Variants in TXNDC5 observed in about 807,000 individuals in gnomAD.
TXNDC5 encodes the protein thioredoxin domain containing 5, also known as thioredoxin domain-containing protein 5.
Under a neutral mutation model 52.6 loss-of-function variants are expected in TXNDC5, and 44 were observed. The observed-to-expected ratio is 0.84, with a 90% CI of 0.66 to 1.08. The LOEUF is 1.08. Ranked by LOEUF, TXNDC5 falls within the 50% of genes least tolerant of loss-of-function variation. The pLI is 0.00. For synonymous variants in TXNDC5, 241 were observed against 234.4 expected (o/e 1.03, Z -0.26); for missense variants, 600 against 565.5 (o/e 1.06, Z -0.62).
intron 2 of TXNDC5, among the ~76,000 whole-genome samples, chr6:7,901,637 C>A (rs1051470509): frequency 6.6e-6 from 1 of 152,166 alleles, no homozygotes; most frequent in Non-Finnish European, 1.5e-5. Flanking sequence ...CATCTGACTT[C>A]AATTCTCACT....
intron 4 of TXNDC5, among the ~76,000 whole-genome samples, chr6:7,893,020 A>G (rs2113339800): frequency 6.6e-6 from 1 of 152,306 alleles, no homozygotes; most frequent in South Asian, 2.1e-4. Flanking sequence ...TAAGCCCTAC[A>G]TTTGTTTTCT....
intron 9 of TXNDC5, 23 bp from the exon 10 acceptor site, chr6:7,883,289 T>C: frequency 6.2e-7 from 1 of 1,613,726 alleles, no homozygotes; most frequent in Non-Finnish European, 8.5e-7. Context: ...AAGAAAAAAG[T>C]TTGCAAACCA....
intron 7 of TXNDC5, among the ~76,000 whole-genome samples, chr6:7,886,367 C>A (rs1759983174): frequency 6.6e-6 from 1 of 152,088 alleles, no homozygotes; most frequent in Non-Finnish European, 1.5e-5. Context: ...TGAAAACTCT[C>A]CAGGGCGCTG....
chr6:7,903,824 G>A (rs1760647431), intron 2 of TXNDC5, among the ~76,000 whole-genome samples: 1 of 152,220 alleles, frequency 6.6e-6, no homozygotes, highest in African/African-American at 2.4e-5. Flanking sequence ...GGCACATGGT[G>A]TGAATGGGCA....
chr6:7,909,729 C>T, intron 1 of TXNDC5: 2 of 981,588 alleles, frequency 2.0e-6, no homozygotes, highest in Non-Finnish European at 1.2e-6. Context: ...CTACCTTGGT[C>T]TTCCCGGGGT....
chr6:7,889,252 G>A (rs1305709503), intron 6 of TXNDC5: 2 of 507,834 alleles, frequency 3.9e-6, no homozygotes, highest in Non-Finnish European at 7.0e-6. Flanking sequence ...CAGTTACCCT[G>A]TGACTGTAAG....
intron 3 of TXNDC5, 106 bp from the exon 4 acceptor site, chr6:7,895,308 A>G: frequency 1.1e-6 from 1 of 949,408 alleles, no homozygotes; most frequent in East Asian, 2.7e-5. Context: ...TGCCTCCCTC[A>G]CCCAACAACC....
Position 7,882,949 on chromosome 6 carries a change from T to TA in TXNDC5, c.*194dup. The TA allele has an allele frequency of 3.1e-6, 2 of 644,276 alleles. No individual in the cohort carries two copies. The highest frequency in any genetic ancestry group is 5.0e-6 in the Non-Finnish European group (2 of 396,664). The allele number at this position is 644,276 out of a possible 1,614,324, so 39.9% of individuals were successfully genotyped here. A position where few individuals can be genotyped will look rare whatever the true frequency, so the allele number is the denominator to read the frequency against. ...AGTGACCATGAGTTACACATTTACTTAGAGAAACTTAACTTAATAAAGAAT... is the reference window on the plus strand; with the variant it reads ...AGTGACCATGAGTTACACATTTACTTAAGAGAAACTTAACTTAATAAAGAAT... On this transcript the variant is annotated 3_prime_UTR_variant, in exon 10 of 10. Transcript: ENST00000379757.
intron 8 of TXNDC5, among the ~76,000 whole-genome samples, chr6:7,885,747 G>T (rs542810409): frequency 6.6e-6 from 1 of 152,078 alleles, no homozygotes; most frequent in African/African-American, 2.4e-5. Flanking sequence ...TGATATAACT[G>T]TAGCCTCATT....
Position 7,889,524 on chromosome 6 carries a change from T to C in TXNDC5, c.790A>G (p.Thr264Ala), listed in dbSNP as rs1760120066. ...TTCCCATCTCGGAACCAGAGAAGAG[T>C]GGGATAGCCACGAACCTGGTTTCCG... is the stretch of plus-strand genomic sequence containing the variant. ...CSGNQVRGYPTLLWFRDGKKV... is the reference protein window; with the variant it reads ...CSGNQVRGYPALLWFRDGKKV... Residue 264 changes from threonine to alanine, a missense_variant, in exon 6 of 10, where the codon ACT becomes GCT. By Grantham distance (58) the Thr-to-Ala change is moderately conservative. Transcript: ENST00000379757. The C allele has an allele frequency of 3.1e-6, 5 of 1,613,216 alleles. No homozygotes were observed. The highest frequency in any genetic ancestry group is 4.2e-6 in the Non-Finnish European group (5 of 1,179,466).
intron 9 of TXNDC5, among the ~76,000 whole-genome samples, chr6:7,883,649 C>T (rs937725684): frequency 1.3e-5 from 2 of 152,124 alleles, no homozygotes; most frequent in African/African-American, 2.4e-5. Flanking sequence ...GGTCTGCAGA[C>T]CAGACCATGA....
In TXNDC5 at chr6:7,904,561, C is replaced by T; in HGVS notation, c.413+13G>A. ...AGCCACCTAGGAAGTGTGCCCCCTT[C>T]CTTCCAACTTACGTGGGGTATCCTC... On this transcript the variant is annotated intron_variant, in intron 2 of 9. Transcript: ENST00000379757. 6.2e-7 allele frequency: 1 copy of T among 1,613,246 alleles called. No homozygotes were observed. Among genetic ancestry groups the T allele is most frequent in the Non-Finnish European group, 8.5e-7 (1 of 1,179,302 alleles).
intron 7 of TXNDC5, among the ~76,000 whole-genome samples, chr6:7,887,824 T>C (rs1455039029): frequency 3.9e-5 from 6 of 152,148 alleles, no homozygotes; most frequent in Non-Finnish European, 8.8e-5. Flanking sequence ...GCCCCAGCTC[T>C]GGCCCTGCAG....
chr6:7,888,554 T>G (rs1024612321), intron 7 of TXNDC5, 151 bp downstream of exon 7: 5 of 974,734 alleles, frequency 5.1e-6, no homozygotes, highest in Non-Finnish European at 7.3e-6. Flanking sequence ...AAAATACGTG[T>G]TGAAAACGCA....
rs150394784 is a variant in TXNDC5, at chr6:7,895,191, C to T, written c.531G>A (p.Pro177=). 112 of 1,612,868 alleles carry T rather than the reference C, an allele frequency of 6.9e-5. No homozygotes were observed. The African/African-American group carries it at 9.5e-4, about 14-fold the overall frequency. The change falls in exon 4 of 10, where the codon CCG becomes CCA. Residue 177 remains proline, a synonymous_variant. Transcript: ENST00000379757. ...TLNEEPVTPE[P]EVEPPSAPEL... is the part of the protein sequence containing the mutation. ...CGGGGGCACTGGGCGGTTCCACTTC[C>T]GGCTCTGGTGTCTAACAGGAGGAAA...
At chr6:7,886,132 A>G in intron 7 of TXNDC5, 89 bp from the exon 8 acceptor site, 1 of 1,190,754 alleles carries the variant, frequency 8.4e-7, no homozygotes, top group East Asian at 2.5e-5. Context: ...CGAATCAGTA[A>G]TTTTTTAAAA....
At chr6:7,900,519 G>GT (rs1232219295) in intron 2 of TXNDC5, among the ~76,000 whole-genome samples, 21 of 152,216 alleles carry the variant, frequency 1.4e-4, no homozygotes, top group Admixed American at 2.0e-4. Context: ...TCTACAGCGC[G>GT]TATGTGGATT....
At chr6:7,898,825 GGAT>G (rs1405960219) in intron 3 of TXNDC5, among the ~76,000 whole-genome samples, 1 of 152,068 alleles carries the variant, frequency 6.6e-6, no homozygotes, top group East Asian at 1.9e-4. Context: ...GGGAGGGGGA[GGAT>G]TATAAATCCT....
intron 1 of TXNDC5, among the ~76,000 whole-genome samples, chr6:7,907,163 C>T (rs59604849): frequency 7.2e-6 from 1 of 138,776 alleles, no homozygotes; most frequent in Non-Finnish European, 1.5e-5. Flanking sequence ...CTTTTTTTTT[C>T]CCTTTTTTTT....
Sources: gnomAD v4.1 joint callset for allele counts (sites outside exome capture counted in the v4.1 genomes callset) on GRCh38, gnomAD v4.1.1 for gene constraint, MANE v1.5 for transcripts, NCBI Gene and HGNC (gene_info 2026-07-23, HGNC 2026-07-21) for gene names.